The following ATP6V1H variants were observed in gnomAD, a reference collection of about 807,000 sequenced individuals.
ATP6V1H encodes the protein ATPase H+ transporting V1 subunit H.
Under a neutral mutation model 71.7 loss-of-function variants are expected in ATP6V1H, and 39 were observed. The observed-to-expected ratio is 0.54, with a 90% CI of 0.42 to 0.71. The LOEUF (loss-of-function observed/expected upper bound fraction) is 0.71. ATP6V1H is among the 30% of genes least tolerant of loss of function. The pLI is 0.00. For missense variants in ATP6V1H, 509 were observed against 594.9 expected (o/e 0.86, Z 1.50); for synonymous variants, 192 against 199.3 (o/e 0.96, Z 0.31).
chr8:53,760,400 G>A (rs531197041), intron 11 of ATP6V1H, among the ~76,000 whole-genome samples: 69 of 152,278 alleles, frequency 4.5e-4, no homozygotes, highest in South Asian at 2.1e-4. Flanking sequence ...GGGAAACATC[G>A]AGGGAAGAGA....
intron 9 of ATP6V1H, among the ~76,000 whole-genome samples, chr8:53,793,617 C>T (rs1032106369): frequency 5.3e-5 from 8 of 151,888 alleles, no homozygotes; most frequent in African/African-American, 1.9e-4. Flanking sequence ...TCCACTCCAG[C>T]CTGGATGACA....
At chr8:53,773,841 A>G (rs1221939568) in intron 9 of ATP6V1H, among the ~76,000 whole-genome samples, 1 of 152,204 alleles carries the variant, frequency 6.6e-6, no homozygotes, top group Non-Finnish European at 1.5e-5. Context: ...TTAAAAAGAA[A>G]CAGAAATCCT....
intron 12 of ATP6V1H, among the ~76,000 whole-genome samples, chr8:53,746,264 TTTC>T (rs1807600174): frequency 6.6e-6 from 1 of 151,572 alleles, no homozygotes; most frequent in African/African-American, 2.4e-5. Flanking sequence ...ATTATGTTTA[TTTC>T]TTTTTTTTTT....
intron 11 of ATP6V1H, among the ~76,000 whole-genome samples, chr8:53,756,886 C>A (rs1046277154): frequency 2.0e-5 from 3 of 152,190 alleles, no homozygotes; most frequent in Admixed American, 2.0e-4. Context: ...TCCAAAATAT[C>A]AGGGACTCCC....
At chr8:53,782,811 T>C (rs1809207683) in intron 9 of ATP6V1H, among the ~76,000 whole-genome samples, 1 of 152,250 alleles carries the variant, frequency 6.6e-6, no homozygotes, top group East Asian at 1.9e-4. Context: ...ATGTGGTTTT[T>C]GTCTTTGGTT....
intron 7 of ATP6V1H, among the ~76,000 whole-genome samples, chr8:53,806,389 T>C (rs1374239359): frequency 6.6e-6 from 1 of 152,112 alleles, no homozygotes; most frequent in Non-Finnish European, 1.5e-5. Flanking sequence ...AGTTGGCTGA[T>C]TAAAAGAGAT....
At chr8:53,730,338 G>A (rs374824235) in intron 13 of ATP6V1H, among the ~76,000 whole-genome samples, 229 of 152,260 alleles carry the variant, frequency 1.5e-3, no homozygotes, top group Middle Eastern at 0.01. Context: ...TCTAGACTTC[G>A]TTCAACTAAG....
At chr8:53,746,074 A>G (rs1436033906) in intron 12 of ATP6V1H, among the ~76,000 whole-genome samples, 1 of 152,218 alleles carries the variant, frequency 6.6e-6, no homozygotes, top group South Asian at 2.1e-4. Context: ...TTACAGTAAT[A>G]TCAAATGTGA....
At position 53,843,154 on chromosome 8, in the gene ATP6V1H, T is replaced by G. The variant is rs1351908653; in HGVS notation, c.-156A>C. ...AGCCAAGTAGGCGTCTCCTGTCAGG[T>G]CCAGAGGTCTGAGCAGTGGAGGGAG... is the stretch of plus-strand genomic sequence containing the variant. On this transcript the variant is annotated 5_prime_UTR_variant, in exon 1 of 14. Transcript: ENST00000359530. 6 of 152,294 alleles carry G rather than the reference T, an allele frequency of 3.9e-5. No individual in the cohort carries two copies. Among genetic ancestry groups the G allele is most frequent in the Admixed American group, 3.9e-4 (6 of 15,284 alleles). 9.4% of individuals were successfully genotyped at this position (152,294 alleles called of 1,614,324 possible).
intron 13 of ATP6V1H, among the ~76,000 whole-genome samples, chr8:53,738,942 T>A: frequency 6.6e-6 from 1 of 152,224 alleles, no homozygotes; most frequent in East Asian, 1.9e-4. Context: ...TTCATATTTT[T>A]AAAAATCCAG....
chr8:53,798,739 AG>A, intron 8 of ATP6V1H, among the ~76,000 whole-genome samples: 1 of 152,298 alleles, frequency 6.6e-6, no homozygotes, highest in Non-Finnish European at 1.5e-5. Context: ...ACTTTCAGCA[AG>A]TTATTATACT....
At chr8:53,769,915 T>G (rs922778156) in intron 10 of ATP6V1H, among the ~76,000 whole-genome samples, 172 bp from the exon 11 acceptor site, 15 of 152,134 alleles carry the variant, frequency 9.9e-5, no homozygotes, top group Non-Finnish European at 2.1e-4. Context: ...CTTTAATAAA[T>G]CATGTGAAAT....
chr8:53,840,199 T>A (rs183963025), intron 2 of ATP6V1H, among the ~76,000 whole-genome samples: 57 of 152,236 alleles, frequency 3.7e-4, no homozygotes, highest in African/African-American at 1.3e-3. Flanking sequence ...ATTGCCACAG[T>A]TAACATACTG....
At chr8:53,783,705 T>C (rs1809255336) in intron 9 of ATP6V1H, among the ~76,000 whole-genome samples, 2 of 152,218 alleles carry the variant, frequency 1.3e-5, no homozygotes, top group Admixed American at 1.3e-4. Context: ...CTCTACACAC[T>C]GCTTTGAATG....
At chr8:53,717,290 A>C (rs1302743736) in intron 13 of ATP6V1H, among the ~76,000 whole-genome samples, 2 of 152,212 alleles carry the variant, frequency 1.3e-5, no homozygotes, top group Admixed American at 1.3e-4. Flanking sequence ...TGAGGACAAG[A>C]AGGAAATGTC....
At chr8:53,834,890 C>G (rs571757214) in intron 2 of ATP6V1H, among the ~76,000 whole-genome samples, 3 of 152,080 alleles carry the variant, frequency 2.0e-5, no homozygotes, top group Admixed American at 2.0e-4. Flanking sequence ...GCCTGTAATC[C>G]CAGCACTTTG....
chr8:53,829,595 T>A, intron 3 of ATP6V1H, 62 bp from the exon 4 acceptor site: 2 of 1,012,290 alleles, frequency 2.0e-6, no homozygotes, highest in Non-Finnish European at 2.9e-6. Context: ...CAATGGAACT[T>A]CAGTAAAACA....
chr8:53,815,176 A>G (rs1810405512), intron 5 of ATP6V1H, among the ~76,000 whole-genome samples: 1 of 152,196 alleles, frequency 6.6e-6, no homozygotes, highest in Admixed American at 6.5e-5. Flanking sequence ...ATTCCAAGCC[A>G]CTTGGGAGTT....
At chr8:53,751,434 T>TA (rs1355261126) in intron 12 of ATP6V1H, among the ~76,000 whole-genome samples, 1 of 152,210 alleles carries the variant, frequency 6.6e-6, no homozygotes, top group Non-Finnish European at 1.5e-5. Flanking sequence ...ACTGTTGAAA[T>TA]AGTCCAAAGT....
Sources: gnomAD v4.1 joint callset for allele counts (sites outside exome capture counted in the v4.1 genomes callset) on GRCh38, gnomAD v4.1.1 for gene constraint, MANE v1.5 for transcripts, NCBI Gene and HGNC (gene_info 2026-07-23, HGNC 2026-07-21) for gene names.